GRM8: variants seen among roughly 807,000 people sequenced by gnomAD.
The protein encoded by GRM8 is glutamate metabotropic receptor 8.
A neutral mutation model predicts 87.2 loss-of-function variants in GRM8; 47 were observed. That is an observed-to-expected ratio of 0.54 (90% CI 0.43 to 0.69). The LOEUF (loss-of-function observed/expected upper bound fraction) is 0.69. Among genes scored for constraint, GRM8 ranks in the 30% least tolerant of loss-of-function variants. GRM8 has a pLI of 0.00. For missense variants in GRM8, 1,019 were observed against 1,139.2 expected, an observed-to-expected ratio of 0.89 and a Z score of 1.52; for synonymous variants, 396 against 404.5, an observed-to-expected ratio of 0.98 and a Z score of 0.25.
chr7:127,126,972 A>G (rs1349820989), intron 2 of GRM8, among the ~76,000 whole-genome samples: 1 of 152,020 alleles, frequency 6.6e-6, no homozygotes. Flanking sequence ...AAATAAAAAG[A>G]TGCTAAATCA....
At chr7:126,708,709 A>C (rs1047922048) in intron 7 of GRM8, among the ~76,000 whole-genome samples, 2 of 151,666 alleles carry the variant, frequency 1.3e-5, no homozygotes, top group Non-Finnish European at 1.5e-5. Context: ...AGGCAGGCAC[A>C]AAAAAAATAC....
At chr7:126,538,180 G>A (rs2150883391) in intron 8 of GRM8, among the ~76,000 whole-genome samples, 1 of 152,308 alleles carries the variant, frequency 6.6e-6, no homozygotes, top group African/African-American at 2.4e-5. Flanking sequence ...GTCAAATCCT[G>A]TTATTATTGC....
intron 3 of GRM8, among the ~76,000 whole-genome samples, chr7:127,014,427 ATG>A (rs1316525948): frequency 6.6e-6 from 1 of 152,108 alleles, no homozygotes; most frequent in Non-Finnish European, 1.5e-5. Context: ...ATGTCTCATC[ATG>A]ACTTAGTAGG....
At chr7:126,578,926 G>A (rs1795353095) in intron 8 of GRM8, among the ~76,000 whole-genome samples, 1 of 152,064 alleles carries the variant, frequency 6.6e-6, no homozygotes, top group South Asian at 2.1e-4. Context: ...CAACCTTGTT[G>A]TCATAACCCT....
At chr7:127,021,394 C>G (rs1816253068) in intron 3 of GRM8, among the ~76,000 whole-genome samples, 1 of 148,276 alleles carries the variant, frequency 6.7e-6, no homozygotes, top group Non-Finnish European at 1.5e-5. Context: ...CAAGCCTAAA[C>G]TGTTGTTTTC....
intron 9 of GRM8, among the ~76,000 whole-genome samples, chr7:126,522,496 C>T (rs1303489530): frequency 1.3e-5 from 2 of 152,122 alleles, no homozygotes; most frequent in African/African-American, 4.8e-5. Flanking sequence ...TCTGACTATC[C>T]TTGTTTTATA....
At chr7:126,681,479 C>A (rs1454099764) in intron 7 of GRM8, among the ~76,000 whole-genome samples, 2 of 152,230 alleles carry the variant, frequency 1.3e-5, no homozygotes, top group Non-Finnish European at 2.9e-5. Flanking sequence ...GACATTTTAA[C>A]ATAAGATTGC....
intron 7 of GRM8, among the ~76,000 whole-genome samples, chr7:126,623,705 G>A (rs560070085): frequency 2.0e-5 from 3 of 152,198 alleles, no homozygotes; most frequent in East Asian, 3.9e-4. Flanking sequence ...AAAGACTGAC[G>A]TATGGCTCAG....
chr7:126,473,742 T>A (rs972030296), intron 9 of GRM8, among the ~76,000 whole-genome samples: 1 of 152,280 alleles, frequency 6.6e-6, no homozygotes, highest in Non-Finnish European at 1.5e-5. Context: ...ACAGTCCCCA[T>A]GTGTCTTGGG....
intron 9 of GRM8, among the ~76,000 whole-genome samples, chr7:126,486,818 G>T (rs1762130806): frequency 2.6e-5 from 4 of 152,058 alleles, no homozygotes; most frequent in Admixed American, 2.6e-4. Context: ...ACTCAATAAA[G>T]AGATCTTGTG....
intron 8 of GRM8, among the ~76,000 whole-genome samples, chr7:126,557,763 G>A: frequency 6.6e-6 from 1 of 152,092 alleles, no homozygotes. Context: ...GGCAACATAT[G>A]TGTATGACAA....
chr7:126,631,703 G>A (rs1028095484), intron 7 of GRM8, among the ~76,000 whole-genome samples: 2 of 151,872 alleles, frequency 1.3e-5, no homozygotes, highest in South Asian at 2.1e-4. Flanking sequence ...CCAATATAAC[G>A]AATAGAGACT....
intron 6 of GRM8, among the ~76,000 whole-genome samples, chr7:126,807,978 A>G (rs990915354): frequency 6.6e-6 from 1 of 152,170 alleles, no homozygotes; most frequent in Non-Finnish European, 1.5e-5. Context: ...GGAGACCTAG[A>G]TGATCCCTCT....
chr7:126,557,581 A>G (rs1441140831), intron 8 of GRM8, among the ~76,000 whole-genome samples: 1 of 152,178 alleles, frequency 6.6e-6, no homozygotes, highest in Non-Finnish European at 1.5e-5. Context: ...CCTATTATAA[A>G]ATTCACTGTG....
intron 2 of GRM8, among the ~76,000 whole-genome samples, chr7:127,128,555 G>A (rs1042597101): frequency 6.6e-6 from 1 of 152,024 alleles, no homozygotes; most frequent in Non-Finnish European, 1.5e-5. Context: ...AGTAATTATT[G>A]TAATACTAAT....
At chr7:126,878,716 A>AG (rs1799754361) in intron 6 of GRM8, among the ~76,000 whole-genome samples, 1 of 151,866 alleles carries the variant, frequency 6.6e-6, no homozygotes, top group Non-Finnish European at 1.5e-5. Flanking sequence ...GAGATGGGAT[A>AG]GGGTTTCACC....
chr7:127,114,637 T>C lies in GRM8; in HGVS notation c.511-7925A>G, dbSNP rs150663595. On this transcript the variant is annotated intron_variant, in intron 2 of 10. Transcript: ENST00000339582. ...CACTGCTAGATGAATAATTCAAAGA[T>C]GGTTTGCTACTAATGGTGAACCTAA... Among the ~76,000 whole-genome samples the C allele has an allele frequency of 1.4e-3, 208 of 152,328 alleles. 1 individual carries two copies. Among genetic ancestry groups the C allele is most frequent in the African/African-American group, 4.7e-3 (197 of 41,578 alleles).
intron 3 of GRM8, among the ~76,000 whole-genome samples, chr7:127,097,828 A>G (rs1431283132): frequency 1.3e-5 from 2 of 152,256 alleles, no homozygotes; most frequent in East Asian, 3.8e-4. Flanking sequence ...GTTCTACTGC[A>G]TCAAACTGCC....
At chr7:126,633,328 A>C (rs1393134246) in intron 7 of GRM8, among the ~76,000 whole-genome samples, 3 of 152,134 alleles carry the variant, frequency 2.0e-5, no homozygotes, top group Non-Finnish European at 4.4e-5. Context: ...AGTTGGCCAG[A>C]CTTGAACTGA....
Sources: allele counts gnomAD v4.1 joint callset (sites outside exome capture counted in the v4.1 genomes callset), GRCh38; gene constraint gnomAD v4.1.1; transcripts MANE v1.5; gene names NCBI Gene and HGNC (gene_info 2026-07-23, HGNC 2026-07-21).